TMCC3: variants seen among roughly 807,000 people sequenced by gnomAD.
TMCC3 encodes transmembrane and coiled-coil domain family 3, also known as transmembrane and coiled-coil domain protein 3.
A neutral mutation model predicts 40.2 loss-of-function variants in TMCC3; 28 were observed. The ratio of observed to expected loss-of-function variants is 0.70; its 90% CI spans 0.52 to 0.95. TMCC3 has a LOEUF of 0.95. Among genes scored for constraint, TMCC3 ranks in the 40% least tolerant of loss-of-function variants. TMCC3 has a pLI of 0.00. For synonymous variants in TMCC3, 255 were observed against 248.5 expected (o/e 1.03, Z -0.25); for missense variants, 554 against 615.2 (o/e 0.90, Z 1.05).
rs147395242 is a variant in TMCC3 at position 94,608,345 on chromosome 12, A to T, written c.79-25807T>A. Among the ~76,000 whole-genome samples, 214 of 152,342 alleles carry T rather than the reference A, an allele frequency of 1.4e-3. 2 individuals are homozygous for T. The highest frequency in any genetic ancestry group is 1.9e-3 in the Non-Finnish European group (132 of 68,030). ...TGTTCTTGTTCCCACCTAGGATATG[A>T]TGATCTGAAAGTCTTACACATCTGT... On this transcript the variant is annotated intron_variant, in intron 1 of 3. Transcript: ENST00000261226.
chr12:94,629,481 T>C (rs1284395550), intron 1 of TMCC3, among the ~76,000 whole-genome samples: 2 of 152,184 alleles, frequency 1.3e-5, no homozygotes, highest in African/African-American at 4.8e-5. Flanking sequence ...AGTGCCCACA[T>C]CTGACTGATC....
At chr12:94,597,120 A>AAAAAAAAAAATATAT (rs2068719307) in intron 1 of TMCC3, among the ~76,000 whole-genome samples, 2 of 5,486 alleles carry the variant, frequency 3.6e-4, no homozygotes, top group African/African-American at 8.9e-4. Flanking sequence ...TCTCTATTAA[A>AAAAAAAAAAATATAT]ATACATATAT....
At chr12:94,644,555 A>G in intron 1 of TMCC3, 1 of 342,054 alleles carries the variant, frequency 2.9e-6, no homozygotes, top group Non-Finnish European at 4.1e-6. Context: ...AAAGCCTGCA[A>G]CAAAGTACAG....
intron 1 of TMCC3, among the ~76,000 whole-genome samples, chr12:94,593,398 A>AGGAAGAGGAAGAGGAAGAGGAAGG: frequency 6.2e-5 from 3 of 48,144 alleles, no homozygotes; most frequent in African/African-American, 2.2e-4. Flanking sequence ...AAGAAAGAAG[A>AGGAAGAGGAAGAGGAAGAGGAAGG]AAGAAGAAGA....
intron 1 of TMCC3, among the ~76,000 whole-genome samples, chr12:94,635,696 G>C (rs576323640): frequency 7.6e-6 from 1 of 131,576 alleles, no homozygotes. Context: ...GACGGAGTCT[G>C]GCTCTGTTGC....
intron 1 of TMCC3, among the ~76,000 whole-genome samples, chr12:94,586,441 A>G (rs895290623): frequency 6.6e-6 from 1 of 152,204 alleles, no homozygotes; most frequent in South Asian, 2.1e-4. Flanking sequence ...TGCCTGTTGT[A>G]TACATGTATT....
At chr12:94,600,568 A>G (rs1402000719) in intron 1 of TMCC3, among the ~76,000 whole-genome samples, 1 of 151,958 alleles carries the variant, frequency 6.6e-6, no homozygotes, top group African/African-American at 2.4e-5. Context: ...TCAACTTCCA[A>G]TGTCTTCCTC....
chr12:94,634,330 G>A (rs983494373), intron 1 of TMCC3, among the ~76,000 whole-genome samples: 2 of 151,876 alleles, frequency 1.3e-5, no homozygotes, highest in Non-Finnish European at 2.9e-5. Context: ...AATGAGGGTT[G>A]GGAAGGATCA....
chr12:94,592,358 G>A (rs531207012), intron 1 of TMCC3, among the ~76,000 whole-genome samples: 1 of 151,946 alleles, frequency 6.6e-6, no homozygotes, highest in East Asian at 1.9e-4. Flanking sequence ...TCCTATTTCC[G>A]GCCGGGCGCA....
At chr12:94,630,488 G>A (rs547758041) in intron 1 of TMCC3, among the ~76,000 whole-genome samples, 3 of 152,030 alleles carry the variant, frequency 2.0e-5, no homozygotes, top group Non-Finnish European at 4.4e-5. Context: ...GGATGATCCT[G>A]GACAAGTCGC....
chr12:94,612,056 T>C (rs1395179958), intron 1 of TMCC3, among the ~76,000 whole-genome samples: 1 of 152,224 alleles, frequency 6.6e-6, no homozygotes, highest in African/African-American at 2.4e-5. Flanking sequence ...TGGAGTGCAG[T>C]GGTGCAATCA....
At chr12:94,613,438 G>C (rs2068828223) in intron 1 of TMCC3, among the ~76,000 whole-genome samples, 1 of 152,142 alleles carries the variant, frequency 6.6e-6, no homozygotes, top group African/African-American at 2.4e-5. Flanking sequence ...CTGCACTCCA[G>C]CCTGGGTGAC....
At chr12:94,620,349 G>A (rs565831263) in intron 1 of TMCC3, among the ~76,000 whole-genome samples, 424 of 150,582 alleles carry the variant, frequency 2.8e-3, no homozygotes, top group Non-Finnish European at 5.1e-3. Context: ...GTGTAATGGC[G>A]CGATCTCGGC....
At chr12:94,603,399 G>T (rs918439229) in intron 1 of TMCC3, among the ~76,000 whole-genome samples, 1 of 151,950 alleles carries the variant, frequency 6.6e-6, no homozygotes, top group Admixed American at 6.6e-5. Flanking sequence ...TTATGGGCAT[G>T]AGCCATCCCT....
chr12:94,594,687 T>C (rs1041294989), intron 1 of TMCC3, among the ~76,000 whole-genome samples: 1 of 152,092 alleles, frequency 6.6e-6, no homozygotes, highest in East Asian at 1.9e-4. Flanking sequence ...CTGAGGCCCT[T>C]AGTCAGAGAG....
chr12:94,571,254 G>A lies in TMCC3; in HGVS notation c.*181C>T. Reference sequence around the variant, plus strand: ...TCTGAAACAGATTCGTGTTAACGAAGTACAAGGACTGAGTTGGCAACTGCT... The same window carrying A: ...TCTGAAACAGATTCGTGTTAACGAAATACAAGGACTGAGTTGGCAACTGCT... On this transcript the variant is annotated 3_prime_UTR_variant, in exon 4 of 4. Transcript: ENST00000261226. The A allele has an allele frequency of 1.5e-6, 1 of 656,596 alleles. No homozygotes were observed. The highest frequency in any genetic ancestry group is 2.6e-6 in the Non-Finnish European group (1 of 390,402). The allele number at this position is 656,596 out of a possible 1,614,324, so 40.7% of individuals were successfully genotyped here.
rs541779742 is a variant in TMCC3 at position 94,584,497 on chromosome 12, C to T, written c.79-1959G>A. On this transcript the variant is annotated intron_variant, in intron 1 of 3. Coordinates refer to ENST00000261226, the MANE Select transcript of TMCC3 (RefSeq NM_020698.4). ...ATAGCAATGTGAGAACAGACTAATG[C>T]TCTAGGTGATCCAGACTTGAATATG... 2.4e-3 allele frequency among the ~76,000 whole-genome samples: 370 copies of T among 152,018 alleles called. 1 individual carries two copies. Among genetic ancestry groups the T allele is most frequent in the African/African-American group, 7.2e-3 (298 of 41,448 alleles).
chr12:94,613,151 GA>G (rs1389897310), intron 1 of TMCC3, among the ~76,000 whole-genome samples: 2 of 151,828 alleles, frequency 1.3e-5, no homozygotes, highest in Non-Finnish European at 2.9e-5. Context: ...ACAGTGGAAT[GA>G]AATAAACCAG....
At chr12:94,598,008 C>G (rs925814322) in intron 1 of TMCC3, among the ~76,000 whole-genome samples, 1 of 152,064 alleles carries the variant, frequency 6.6e-6, no homozygotes, top group Non-Finnish European at 1.5e-5. Flanking sequence ...AAGAATGGCT[C>G]AAGAGAGGAC....
Sources: gnomAD v4.1 joint callset for allele counts (sites outside exome capture counted in the v4.1 genomes callset) on GRCh38, gnomAD v4.1.1 for gene constraint, MANE v1.5 for transcripts, NCBI Gene and HGNC (gene_info 2026-07-23, HGNC 2026-07-21) for gene names.